Variants in PTPRK observed in about 807,000 individuals in gnomAD.
PTPRK encodes the protein receptor-type tyrosine-protein phosphatase kappa.
Under a neutral mutation model 178.0 loss-of-function variants are expected in PTPRK, and 75 were observed. The ratio of observed to expected loss-of-function variants is 0.42; its 90% CI spans 0.35 to 0.51. PTPRK has a LOEUF of 0.51. Ranked by LOEUF, PTPRK falls within the 20% of genes least tolerant of loss-of-function variation. The pLI, the probability that PTPRK is intolerant of heterozygous loss-of-function variation, is 0.02. For missense variants in PTPRK, 1,441 were observed against 1,797.8 expected (o/e 0.80, Z 3.59); for synonymous variants, 637 against 620.6 (o/e 1.03, Z -0.39).
At chr6:128,058,835 T>C (rs1462520564) in intron 13 of PTPRK, among the ~76,000 whole-genome samples, 1 of 151,880 alleles carries the variant, frequency 6.6e-6, no homozygotes, top group African/African-American at 2.4e-5. Flanking sequence ...ATAACTCTTA[T>C]ATGTAGCTGT....
intron 27 of PTPRK, among the ~76,000 whole-genome samples, 197 bp from the exon 28 acceptor site, chr6:127,974,024 C>A (rs1432523564): frequency 6.6e-6 from 1 of 152,144 alleles, no homozygotes; most frequent in East Asian, 1.9e-4. Flanking sequence ...ATCCTTTATA[C>A]CTGTTTCTCC....
At chr6:128,340,370 A>T (rs1046958645) in intron 2 of PTPRK, among the ~76,000 whole-genome samples, 1 of 152,200 alleles carries the variant, frequency 6.6e-6, no homozygotes. Flanking sequence ...CAGTCTCAGT[A>T]AACTGATTTC....
intron 7 of PTPRK, among the ~76,000 whole-genome samples, chr6:128,180,697 A>G (rs1003082300): frequency 6.6e-6 from 1 of 152,144 alleles, no homozygotes; most frequent in Non-Finnish European, 1.5e-5. Flanking sequence ...AAAACACAGC[A>G]TATATTGGAG....
intron 1 of PTPRK, among the ~76,000 whole-genome samples, chr6:128,416,504 G>A (rs890900787): frequency 4.5e-4 from 68 of 151,798 alleles, no homozygotes; most frequent in African/African-American, 1.6e-3. Context: ...AAAATTAGCC[G>A]GGTGTGGTGG....
At chr6:128,197,789 C>T (rs1357472543) in intron 6 of PTPRK, among the ~76,000 whole-genome samples, 1 of 152,020 alleles carries the variant, frequency 6.6e-6, no homozygotes, top group Non-Finnish European at 1.5e-5. Context: ...CACAAAATAA[C>T]ATTAGTCACT....
At chr6:128,016,072 A>G (rs1249968353) in intron 13 of PTPRK, among the ~76,000 whole-genome samples, 1 of 151,842 alleles carries the variant, frequency 6.6e-6, no homozygotes, top group Non-Finnish European at 1.5e-5. Flanking sequence ...TGTATTACAA[A>G]TATCTTCTCC....
rs557499836 is a variant in PTPRK at position 128,467,396 on chromosome 6, T to A, written c.100+52863A>T. ...GAAGAAAGTAAACCCTGCACATAGATGAGAATTCTACAAAATAGCAAATGT... is the reference window on the plus strand; with the variant it reads ...GAAGAAAGTAAACCCTGCACATAGAAGAGAATTCTACAAAATAGCAAATGT... On this transcript the variant is annotated intron_variant, in intron 1 of 29. Transcript: ENST00000368226. 2.0e-5 allele frequency among the ~76,000 whole-genome samples: 3 copies of A among 152,286 alleles called. No homozygotes were observed. In the South Asian group the frequency reaches 6.2e-4, roughly 32 times the overall value.
intron 13 of PTPRK, among the ~76,000 whole-genome samples, chr6:128,045,623 G>A (rs548106307): frequency 6.6e-6 from 1 of 151,938 alleles, no homozygotes; most frequent in South Asian, 2.1e-4. Context: ...TTAAAATATG[G>A]CAGGAAAAAA....
chr6:128,103,227 C>A (rs1789091227), intron 7 of PTPRK, among the ~76,000 whole-genome samples: 1 of 152,054 alleles, frequency 6.6e-6, no homozygotes, highest in Non-Finnish European at 1.5e-5. Context: ...AGGGGAAGAT[C>A]ATCTTCCCAC....
chr6:128,323,283 C>A (rs577773562), intron 2 of PTPRK, among the ~76,000 whole-genome samples: 64 of 152,138 alleles, frequency 4.2e-4, no homozygotes, highest in African/African-American at 1.5e-3. Flanking sequence ...AGTAAGACAA[C>A]CAATTGTTCT....
At chr6:128,428,465 T>C (rs2128392028) in intron 1 of PTPRK, among the ~76,000 whole-genome samples, 1 of 152,252 alleles carries the variant, frequency 6.6e-6, no homozygotes, top group East Asian at 1.9e-4. Context: ...GACAACGAGA[T>C]GTTCATGGAG....
At chr6:128,401,590 G>A (rs1841025427) in intron 1 of PTPRK, among the ~76,000 whole-genome samples, 1 of 152,062 alleles carries the variant, frequency 6.6e-6, no homozygotes, top group Non-Finnish European at 1.5e-5. Context: ...AGCCATGAAG[G>A]ACATTCTTTT....
intron 2 of PTPRK, among the ~76,000 whole-genome samples, chr6:128,332,840 T>G (rs1395435427): frequency 1.3e-5 from 2 of 152,142 alleles, no homozygotes; most frequent in Non-Finnish European, 2.9e-5. Context: ...TTTAAAGTAT[T>G]GTTGCCTCAA....
At chr6:128,168,389 A>G (rs182532829) in intron 7 of PTPRK, among the ~76,000 whole-genome samples, 1 of 152,182 alleles carries the variant, frequency 6.6e-6, no homozygotes, top group East Asian at 1.9e-4. Flanking sequence ...AAGGATAACT[A>G]TCATATGACT....
intron 5 of PTPRK, among the ~76,000 whole-genome samples, chr6:128,231,041 C>T (rs1223726663): frequency 2.0e-5 from 3 of 152,112 alleles, no homozygotes; most frequent in Non-Finnish European, 4.4e-5. Context: ...ATAAAATCAA[C>T]CAAAATGACT....
At chr6:128,255,977 A>G (rs938608965) in intron 3 of PTPRK, among the ~76,000 whole-genome samples, 10 of 152,246 alleles carry the variant, frequency 6.6e-5, no homozygotes, top group African/African-American at 2.2e-4. Context: ...AAACAAAAAT[A>G]TAAGCCTGTA....
At chr6:128,292,818 C>T (rs1184886347) in intron 3 of PTPRK, among the ~76,000 whole-genome samples, 1 of 152,004 alleles carries the variant, frequency 6.6e-6, no homozygotes, top group East Asian at 1.9e-4. Flanking sequence ...ATTATTTTCA[C>T]CCCATACAAG....
At chr6:128,192,925 G>A (rs1201658435) in intron 6 of PTPRK, among the ~76,000 whole-genome samples, 1 of 150,322 alleles carries the variant, frequency 6.7e-6, no homozygotes, top group East Asian at 2.0e-4. Context: ...AGGGAGAAAG[G>A]GAGAGGGGGA....
intron 8 of PTPRK, among the ~76,000 whole-genome samples, chr6:128,088,241 GGTGGCA>G (rs1383817416): frequency 1.3e-5 from 2 of 152,044 alleles, no homozygotes; most frequent in Admixed American, 6.6e-5. Flanking sequence ...AGCAGGGCAT[GGTGGCA>G]GGTGCCTGTA....
Sources: allele counts gnomAD v4.1 joint callset (sites outside exome capture counted in the v4.1 genomes callset), GRCh38; gene constraint gnomAD v4.1.1; transcripts MANE v1.5; gene names NCBI Gene and HGNC (gene_info 2026-07-23, HGNC 2026-07-21).